CHCHD3: variants seen among roughly 807,000 people sequenced by gnomAD.
CHCHD3 encodes the protein coiled-coil-helix-coiled-coil-helix domain containing 3, also known as MICOS complex subunit MIC19.
A neutral mutation model predicts 38.2 loss-of-function variants in CHCHD3; 20 were observed. That is an observed-to-expected ratio of 0.52 (90% CI 0.37 to 0.76). The LOEUF (loss-of-function observed/expected upper bound fraction) is 0.76. Ranked by LOEUF, CHCHD3 falls within the 30% of genes least tolerant of loss-of-function variation. The pLI is 0.00. For synonymous variants in CHCHD3, 82 were observed against 100.0 expected, an observed-to-expected ratio of 0.82 and a Z score of 1.07; for missense variants, 245 against 279.2, an observed-to-expected ratio of 0.88 and a Z score of 0.87.
rs555580615 is a variant in CHCHD3, at chr7:133,035,702, G to A, written c.170-11075C>T. 3.7e-6 allele frequency: 6 copies of A among 1,613,354 alleles called. No homozygotes were observed. Among genetic ancestry groups the A allele is most frequent in the East Asian group, 4.5e-5 (2 of 44,858 alleles). On this transcript the variant is annotated intron_variant, in intron 2 of 7. Transcript: ENST00000262570. The surrounding 1 kb of genome is among the most constrained non-coding windows in gnomAD (Gnocchi z 4.7). ...CATTGCTCACATAGTAGGCAATGGCGTTGCTCTCAAACACACAGAATCCAT... is the reference window on the plus strand; with the variant it reads ...CATTGCTCACATAGTAGGCAATGGCATTGCTCTCAAACACACAGAATCCAT...
intron 1 of CHCHD3, among the ~76,000 whole-genome samples, chr7:133,071,247 T>C (rs578207434): frequency 1.3e-5 from 2 of 152,334 alleles, no homozygotes; most frequent in East Asian, 3.9e-4. Context: ...GATTTGGCTG[T>C]CCTATCGCTA....
At chr7:132,847,047 C>T (rs1215967368) in intron 5 of CHCHD3, among the ~76,000 whole-genome samples, 4 of 152,194 alleles carry the variant, frequency 2.6e-5, no homozygotes, top group Non-Finnish European at 4.4e-5. Flanking sequence ...ACTAGGCCCC[C>T]TCTTCTGTCT....
At chr7:132,884,414 G>A (rs1809152853) in intron 5 of CHCHD3, among the ~76,000 whole-genome samples, 1 of 152,102 alleles carries the variant, frequency 6.6e-6, no homozygotes, top group African/African-American at 2.4e-5. Flanking sequence ...GAAGACAGAT[G>A]TTTACCTCAT....
chr7:133,020,032 C>A (rs1218300510), intron 3 of CHCHD3, among the ~76,000 whole-genome samples: 3 of 151,952 alleles, frequency 2.0e-5, no homozygotes, highest in Non-Finnish European at 4.4e-5. Context: ...ATTCTCGGTA[C>A]GCTGAGCAAC....
chr7:132,985,217 G>A (rs1393771968), intron 3 of CHCHD3, among the ~76,000 whole-genome samples: 2 of 74,580 alleles, frequency 2.7e-5, no homozygotes, highest in African/African-American at 5.1e-5. Flanking sequence ...TTAGCCCCCC[G>A]CCCGGCCAGC....
intron 1 of CHCHD3, among the ~76,000 whole-genome samples, chr7:133,077,054 ATAGT>A (rs56009158): frequency 0.22 from 33,844 of 151,908 alleles, 4,502 homozygotes; most frequent in East Asian, 0.34. Context: ...TTACTCCCAA[ATAGT>A]TAGTTAAGAG....
chr7:133,081,768 G>T, intron 1 of CHCHD3, 89 bp downstream of exon 1: 2 of 1,357,316 alleles, frequency 1.5e-6, no homozygotes, highest in South Asian at 2.5e-5. Context: ...TCCAGGACGG[G>T]AGAAACCCAG....
intron 4 of CHCHD3, among the ~76,000 whole-genome samples, chr7:132,971,484 A>G (rs983264261): frequency 2.6e-5 from 4 of 152,214 alleles, no homozygotes; most frequent in African/African-American, 4.8e-5. Flanking sequence ...TAAAACTTCA[A>G]CAACAGGGCC....
At chr7:132,978,405 C>T (rs1811827800) in intron 3 of CHCHD3, among the ~76,000 whole-genome samples, 1 of 152,162 alleles carries the variant, frequency 6.6e-6, no homozygotes, top group African/African-American at 2.4e-5. Flanking sequence ...TCCTTTCCCT[C>T]TTGTCCATAG....
At chr7:132,984,214 C>A (rs1299914380) in intron 3 of CHCHD3, among the ~76,000 whole-genome samples, 1 of 151,592 alleles carries the variant, frequency 6.6e-6, no homozygotes, top group African/African-American at 2.4e-5. Context: ...AGGCGCACGG[C>A]GCCACGCCTG....
At chr7:132,825,530 T>C (rs1172503820) in intron 6 of CHCHD3, among the ~76,000 whole-genome samples, 2 of 152,250 alleles carry the variant, frequency 1.3e-5, no homozygotes, top group African/African-American at 4.8e-5. Context: ...ATACCAGCAA[T>C]GCTAATTTTC....
intron 6 of CHCHD3, among the ~76,000 whole-genome samples, chr7:132,796,918 A>G (rs1806632675): frequency 6.6e-6 from 1 of 152,070 alleles, no homozygotes; most frequent in Non-Finnish European, 1.5e-5. Flanking sequence ...CTTGGTCACA[A>G]AGTTGGAGAT....
At chr7:132,827,599 A>G (rs1039477137) in intron 6 of CHCHD3, among the ~76,000 whole-genome samples, 2 of 152,218 alleles carry the variant, frequency 1.3e-5, no homozygotes, top group Admixed American at 6.5e-5. Context: ...CAGTGTTCAT[A>G]TTGTATTAGA....
intron 3 of CHCHD3, among the ~76,000 whole-genome samples, chr7:132,977,789 T>C (rs980122739): frequency 5.9e-5 from 9 of 152,184 alleles, no homozygotes; most frequent in Admixed American, 5.2e-4. Flanking sequence ...TTTTTTTCCA[T>C]TTTAGTTTAC....
intron 1 of CHCHD3, among the ~76,000 whole-genome samples, chr7:133,071,081 C>A (rs1398187291): frequency 1.3e-5 from 2 of 152,192 alleles, no homozygotes; most frequent in Admixed American, 1.3e-4. Flanking sequence ...AGCAGAGGCT[C>A]TGAGGAACAC....
chr7:132,871,190 T>C (rs560572569), intron 5 of CHCHD3, among the ~76,000 whole-genome samples: 1 of 152,332 alleles, frequency 6.6e-6, no homozygotes, highest in Admixed American at 6.5e-5. Context: ...TTTAGTTACT[T>C]TATATAACTT....
At chr7:133,081,257 G>A (rs975055374) in intron 1 of CHCHD3, among the ~76,000 whole-genome samples, 38 of 152,154 alleles carry the variant, frequency 2.5e-4, no homozygotes, top group African/African-American at 8.2e-4. Flanking sequence ...AGGTCACAGA[G>A]GAGGCGCCTG....
At chr7:133,021,785 C>A (rs1224033027) in intron 3 of CHCHD3, among the ~76,000 whole-genome samples, 1 of 152,070 alleles carries the variant, frequency 6.6e-6, no homozygotes, top group Non-Finnish European at 1.5e-5. Flanking sequence ...TTTCATGGAG[C>A]TTTAAAATTT....
At chr7:133,039,092 C>T (rs540739020) in intron 2 of CHCHD3, among the ~76,000 whole-genome samples, 1 of 152,246 alleles carries the variant, frequency 6.6e-6, no homozygotes, top group South Asian at 2.1e-4. Flanking sequence ...TTTAGTGTCT[C>T]TAGTGAAAGC....
Sources: gnomAD v4.1 joint callset for allele counts (sites outside exome capture counted in the v4.1 genomes callset) on GRCh38, gnomAD v4.1.1 for gene constraint, Gnocchi (gnomAD v3.1) non-coding constraint, MANE v1.5 for transcripts, NCBI Gene and HGNC (gene_info 2026-07-23, HGNC 2026-07-21) for gene names.